NUBPL: variants seen among roughly 807,000 people sequenced by gnomAD.
NUBPL encodes the protein NUBP iron-sulfur cluster assembly factor, mitochondrial.
A neutral mutation model predicts 45.7 loss-of-function variants in NUBPL; 31 were observed. The observed-to-expected ratio is 0.68, with a 90% confidence interval of 0.51 to 0.92. The LOEUF (loss-of-function observed/expected upper bound fraction) is 0.92. Among genes scored for constraint, NUBPL ranks in the 40% least tolerant of loss-of-function variants. The pLI is 0.00. For missense variants in NUBPL, 401 were observed against 398.7 expected (o/e 1.01, Z -0.05); for synonymous variants, 144 against 140.9 (o/e 1.02, Z -0.15).
chr14:31,599,464 T>C, intron 4 of NUBPL, 85 bp downstream of exon 4: 1 of 936,860 alleles, frequency 1.1e-6, no homozygotes, highest in Non-Finnish European at 1.7e-6. Flanking sequence ...CTAGATGCAA[T>C]GTATATTTTA....
intron 6 of NUBPL, among the ~76,000 whole-genome samples, chr14:31,693,852 CTTTTCTTT>C (rs1250926223): frequency 1.5e-5 from 1 of 66,572 alleles, no homozygotes; most frequent in African/African-American, 4.5e-5. Flanking sequence ...ATTTTCTTTT[CTTTTCTTT>C]TTTTTTTTTT....
chr14:31,666,240 TA>T (rs1292211215), intron 4 of NUBPL, among the ~76,000 whole-genome samples: 1,185 of 25,628 alleles, frequency 0.046, 91 homozygotes, highest in Middle Eastern at 0.15. Context: ...TATATATATA[TA>T]TATATATATA....
chr14:31,690,630 A>G (rs1453555634), intron 6 of NUBPL, among the ~76,000 whole-genome samples: 1 of 152,354 alleles, frequency 6.6e-6, no homozygotes, highest in South Asian at 2.1e-4. Flanking sequence ...TGTTAAAGCT[A>G]TCAAGCCCAA....
intron 3 of NUBPL, among the ~76,000 whole-genome samples, chr14:31,586,408 A>G (rs2033998525): frequency 6.6e-6 from 1 of 152,188 alleles, no homozygotes; most frequent in South Asian, 2.1e-4. Flanking sequence ...ATAGCAGAAG[A>G]TAATTCTAGG....
intron 10 of NUBPL, 100 bp from the exon 11 acceptor site, chr14:31,859,018 T>G (rs1566602685): frequency 1.0e-6 from 1 of 995,450 alleles, no homozygotes; most frequent in Non-Finnish European, 1.6e-6. Context: ...ACTCAGCCTT[T>G]TTACTATCAA....
chr14:31,665,976 T>C (rs2036400387), intron 4 of NUBPL, among the ~76,000 whole-genome samples: 1 of 151,986 alleles, frequency 6.6e-6, no homozygotes, highest in Non-Finnish European at 1.5e-5. Context: ...TTTACTATTA[T>C]GTAATGCTCT....
At chr14:31,566,392 A>G (rs2033434249) in intron 3 of NUBPL, among the ~76,000 whole-genome samples, 1 of 152,186 alleles carries the variant, frequency 6.6e-6, no homozygotes, top group Admixed American at 6.5e-5. Flanking sequence ...AATGTAATTA[A>G]GTTTCTCTAA....
At chr14:31,637,082 A>G (rs979899993) in intron 4 of NUBPL, among the ~76,000 whole-genome samples, 5 of 151,908 alleles carry the variant, frequency 3.3e-5, no homozygotes, top group African/African-American at 9.7e-5. Context: ...TTGTGTCTCT[A>G]TTTCCTTCAG....
chr14:31,760,126 A>AGTGT (rs147699444), intron 6 of NUBPL, among the ~76,000 whole-genome samples: 20 of 29,836 alleles, frequency 6.7e-4, no homozygotes, highest in African/African-American at 1.4e-3. Context: ...TTCTGACTTT[A>AGTGT]GTGTGTGTGT....
At chr14:31,608,888 T>G (rs1437563407) in intron 4 of NUBPL, among the ~76,000 whole-genome samples, 1 of 152,030 alleles carries the variant, frequency 6.6e-6, no homozygotes, top group Non-Finnish European at 1.5e-5. Flanking sequence ...TCAGATAGAA[T>G]TGCAAGCCTC....
intron 8 of NUBPL, among the ~76,000 whole-genome samples, chr14:31,833,373 A>AG (rs1437926016): frequency 2.6e-5 from 4 of 152,122 alleles, no homozygotes; most frequent in African/African-American, 7.2e-5. Context: ...CTTGTCTCAA[A>AG]AAAAAAAAAT....
intron 10 of NUBPL, among the ~76,000 whole-genome samples, chr14:31,858,901 AG>A (rs2040667580): frequency 6.6e-6 from 1 of 152,198 alleles, no homozygotes; most frequent in South Asian, 2.1e-4. Flanking sequence ...ATTACTTCAG[AG>A]TCACCTTCCA....
At chr14:31,811,224 G>A (rs1298870652) in intron 7 of NUBPL, among the ~76,000 whole-genome samples, 1 of 152,136 alleles carries the variant, frequency 6.6e-6, no homozygotes. Flanking sequence ...TTCCAGCTTG[G>A]TTCCATTCTC....
chr14:31,665,799 C>T (rs1412898992), intron 4 of NUBPL, among the ~76,000 whole-genome samples: 18 of 152,016 alleles, frequency 1.2e-4, no homozygotes, highest in Admixed American at 1.2e-3. Flanking sequence ...AATTTTCTGT[C>T]TTGTTGATCT....
At chr14:31,787,252 C>T (rs1002480411) in intron 6 of NUBPL, among the ~76,000 whole-genome samples, 10 of 151,860 alleles carry the variant, frequency 6.6e-5, no homozygotes, top group African/African-American at 2.4e-4. Flanking sequence ...GGTGAATATT[C>T]TGGGTATAAA....
chr14:31,732,377 T>G (rs191954294), intron 6 of NUBPL, among the ~76,000 whole-genome samples: 53 of 152,030 alleles, frequency 3.5e-4, no homozygotes, highest in African/African-American at 1.2e-3. Context: ...AAACACTTTT[T>G]TAATACACTG....
chr14:31,599,438 G>A (rs1595347059), intron 4 of NUBPL, 59 bp downstream of exon 4: 10 of 1,162,196 alleles, frequency 8.6e-6, no homozygotes, highest in Non-Finnish European at 1.3e-5. Flanking sequence ...ATACTTACTG[G>A]GTGTCAGACA....
Position 31,561,554 on chromosome 14 carries a change from G to A in NUBPL, c.108+7G>A. 2 of 1,372,138 alleles carry A rather than the reference G, an allele frequency of 1.5e-6. No homozygotes were observed. Among genetic ancestry groups the A allele is most frequent in the Admixed American group, 3.0e-5 (1 of 33,816 alleles). 85.0% of individuals were successfully genotyped at this position (1,372,138 alleles called of 1,614,324 possible). Reference sequence around the variant, plus strand: ...GATGGTTTGTGGGCGCCAGGTCCGTGGTGCTGCAGGGCAGGGGGAAGCGGG... The same window carrying A: ...GATGGTTTGTGGGCGCCAGGTCCGTAGTGCTGCAGGGCAGGGGGAAGCGGG... On this transcript the variant is annotated splice_region_variant and intron_variant, in intron 1 of 10. Coordinates refer to ENST00000281081, the MANE Select transcript of NUBPL (RefSeq NM_025152.3).
At chr14:31,744,070 G>A (rs1384240195) in intron 6 of NUBPL, among the ~76,000 whole-genome samples, 1 of 152,038 alleles carries the variant, frequency 6.6e-6, no homozygotes, top group African/African-American at 2.4e-5. Context: ...GATAGGGAAA[G>A]GATGAGGAAA....
Sources: allele counts gnomAD v4.1 joint callset (sites outside exome capture counted in the v4.1 genomes callset), GRCh38; gene constraint gnomAD v4.1.1; transcripts MANE v1.5; gene names NCBI Gene and HGNC (gene_info 2026-07-23, HGNC 2026-07-21).